Variants in IRX4 observed in about 807,000 individuals in gnomAD.
The protein encoded by IRX4 is iroquois-class homeodomain protein IRX-4.
A neutral mutation model predicts 32.0 loss-of-function variants in IRX4; 22 were observed. The ratio of observed to expected loss-of-function variants is 0.69; its 90% CI spans 0.49 to 0.98. The LOEUF (loss-of-function observed/expected upper bound fraction) is 0.98. Among genes scored for constraint, IRX4 ranks in the 50% least tolerant of loss-of-function variants. The pLI, the probability that IRX4 is intolerant of heterozygous loss-of-function variation, is 0.00. For missense variants in IRX4, 840 were observed against 744.2 expected, an observed-to-expected ratio of 1.13 and a Z score of -1.50; for synonymous variants, 379 against 351.7, an observed-to-expected ratio of 1.08 and a Z score of -0.87.
intron 3 of IRX4, chr5:1,880,126 C>A: frequency 6.5e-7 from 1 of 1,535,616 alleles, no homozygotes; most frequent in Non-Finnish European, 8.7e-7. Context: ...ATGGGGATGA[C>A]CGCCTAGCCG....
chr5:1,886,101 A>G (rs1735621191), upstream of IRX4, among the ~76,000 whole-genome samples: 1 of 152,244 alleles, frequency 6.6e-6, no homozygotes, highest in South Asian at 2.1e-4. Flanking sequence ...CCTAACGCGA[A>G]GCGCAGGCGG....
In IRX4 at chr5:1,878,452, C is replaced by A; in HGVS notation, c.1077G>T (p.Ser359=). 1.4e-6 allele frequency: 2 copies of A among 1,458,550 alleles called. No homozygotes were observed. The highest frequency in any genetic ancestry group is 1.8e-6 in the Non-Finnish European group (2 of 1,110,758). 90.4% of individuals were successfully genotyped at this position (1,458,550 alleles called of 1,614,324 possible). A position where few individuals can be genotyped will look rare whatever the true frequency, so the allele number is the denominator to read the frequency against. ...AKLGFVPAGA[S]AGLEAKPRIW... ...TGCGCGGCTTAGCCTCCAGGCCTGC[C>A]GACGCCCCCGCCGGCACAAACCCCA... is the stretch of plus-strand genomic sequence containing the variant. The change falls in exon 5 of 5, where the codon TCG becomes TCT. Residue 359 remains serine, a synonymous_variant. Transcript: ENST00000231357.
At chr5:1,884,617 AAT>A (rs1382185515), upstream of IRX4, 5 of 152,274 alleles carry the variant, frequency 3.3e-5, no homozygotes, top group African/African-American at 9.6e-5. Context: ...AGCCGCGAGA[AAT>A]ATATAAAGAA....
In IRX4 at chr5:1,878,812, G is replaced by A. The variant is rs779858001; in HGVS notation, c.737-20C>T. On this transcript the variant is annotated intron_variant, in intron 4 of 4. Transcript: ENST00000231357. Reference sequence around the variant, plus strand: ...CGGGCTCTGCGGGAGAGAATGCGTGGCCAGTGGAGGGAGAGGGTTGGTAGG... The same window carrying A: ...CGGGCTCTGCGGGAGAGAATGCGTGACCAGTGGAGGGAGAGGGTTGGTAGG... 2 of 1,611,264 alleles carry A rather than the reference G, an allele frequency of 1.2e-6. No individual in the cohort carries two copies. The highest frequency in any genetic ancestry group is 1.1e-5 in the South Asian group (1 of 91,030).
chr5:1,885,437 T>C (rs1177288606), upstream of IRX4, among the ~76,000 whole-genome samples: 1 of 151,992 alleles, frequency 6.6e-6, no homozygotes, highest in East Asian at 1.9e-4. Context: ...CGACCCTTTC[T>C]CCGTGACCCA....
rs754606404 is a variant in IRX4, at chr5:1,878,316, C to A, written c.1213G>T (p.Ala405Ser). 2 of 1,564,702 alleles carry A rather than the reference C, an allele frequency of 1.3e-6. No individual in the cohort carries two copies. Among genetic ancestry groups the A allele is most frequent in the Non-Finnish European group, 1.7e-6 (2 of 1,155,848 alleles). Residue 405 changes from alanine (A) to serine (S), a missense_variant, in exon 5 of 5, where the codon GCT (alanine) becomes TCT (serine). Physicochemically the swap from Ala to Ser is moderately conservative, Grantham distance 99. Transcript: ENST00000231357. The stretch of plus-strand genomic sequence containing the variant: ...GACGTGGCGGGCGCGGAGGACACAG[C>A]CGCAGGGGCCGCGGGACCTTGGCGC... ...LKRQGPAAPA[A>S]VSSAPATSPS...
rs928648819 is a variant in IRX4 at position 1,880,276 on chromosome 5, T to A, written c.408-444A>T. 2.4e-5 allele frequency: 17 copies of A among 711,550 alleles called. No individual in the cohort carries two copies. In the South Asian group the frequency reaches 3.3e-4, roughly 14 times the overall value. 44.1% of individuals were successfully genotyped at this position (711,550 alleles called of 1,614,324 possible). A position where few individuals can be genotyped will look rare whatever the true frequency, so the allele number is the denominator to read the frequency against. On this transcript the variant is annotated intron_variant, in intron 3 of 4. Transcript: ENST00000231357. ...AGTGTACCGTCTTTGGATAAATTTG[T>A]AGTGGTTGCATTGAGGAAAGTGGGG...
At position 1,881,999 on chromosome 5, in the gene IRX4, C is replaced by T. The variant is rs1735463233; in HGVS notation, c.106G>A (p.Asp36Asn). 4 of 1,548,300 alleles carry T rather than the reference C, an allele frequency of 2.6e-6. No individual in the cohort carries two copies. The highest frequency in any genetic ancestry group is 3.5e-6 in the Non-Finnish European group (4 of 1,146,658). The change falls in exon 2 of 5, where the codon GAC becomes AAC. Residue 36 changes from aspartate (D) to asparagine (N), a missense_variant. Physicochemically the swap from Asp to Asn is conservative, Grantham distance 23. Around this residue, in one of 3 missense-constraint regions of IRX4, gnomAD observed 241 missense variants for 220.8 expected, o/e 1.09. Transcript: ENST00000231357. ...TGGGCCGAGGCGGCGGGCCCGGAGT[C>T]CGCCAGCGTGCGGCCTCCGGACTCG... ...CCESGGRTLA[D>N]SGPAASAQAP...
Position 1,878,069 on chromosome 5 carries a change from C to T in IRX4, c.1460G>A (p.Arg487His). ...GANVLTAPLA[R>H]AFPPAVPQDA... Reference sequence around the variant, plus strand: ...CTGGGGCACGGCAGGCGGAAAGGCGCGGGCCAGGGGTGCAGTCAGCACGTT... The same window carrying T: ...CTGGGGCACGGCAGGCGGAAAGGCGTGGGCCAGGGGTGCAGTCAGCACGTT... Residue 487 changes from arginine (R) to histidine (H), a missense_variant, in exon 5 of 5, where the codon CGC (arginine) becomes CAC (histidine). By Grantham distance (29) the Arg-to-His change is conservative. Around this residue, in one of 3 missense-constraint regions of IRX4, gnomAD observed 585 missense variants for 488.0 expected, o/e 1.20. Coordinates refer to ENST00000231357, the MANE Select transcript of IRX4 (RefSeq NM_016358.3). 1.3e-6 allele frequency: 2 copies of T among 1,514,788 alleles called. No homozygotes were observed. Among genetic ancestry groups the T allele is most frequent in the South Asian group, 2.4e-5 (2 of 81,634 alleles). 93.8% of individuals were successfully genotyped at this position (1,514,788 alleles called of 1,614,324 possible).
At position 1,881,837 on chromosome 5, in the gene IRX4, C is replaced by G. The variant is rs1440752051; in HGVS notation, c.268G>C (p.Gly90Arg). The G allele has an allele frequency of 6.3e-7, 1 of 1,575,728 alleles. No individual in the cohort carries two copies. The highest frequency in any genetic ancestry group is 8.6e-7 in the Non-Finnish European group (1 of 1,161,056). Residue 90 changes from glycine to arginine, a missense_variant, in exon 2 of 5, where the codon GGC (glycine) becomes CGC (arginine). Coordinates refer to ENST00000231357, the MANE Select transcript of IRX4 (RefSeq NM_016358.3). The stretch of plus-strand genomic sequence containing the variant: ...GAGTAGAAGGCGGACGCCTCCGAGC[C>G]GTAGGTCACGTAGTTGCCATAGCCC... ...SQGYGNYVTY[G>R]SEASAFYSLN...
upstream of IRX4, among the ~76,000 whole-genome samples, chr5:1,885,656 T>C (rs938199685): frequency 1.4e-5 from 2 of 147,862 alleles, no homozygotes; most frequent in Non-Finnish European, 3.0e-5. Flanking sequence ...ATCCAGCCTG[T>C]GGATTGGCGA....
At position 1,882,870 on chromosome 5, in the gene IRX4, C is replaced by T; in HGVS notation, c.-223G>A. On this transcript the variant is annotated 5_prime_UTR_variant, in exon 1 of 5. Coordinates refer to ENST00000231357, the MANE Select transcript of IRX4 (RefSeq NM_016358.3). The stretch of plus-strand genomic sequence containing the variant: ...CCTTTAACTTCGCATTCCGGAGGCT[C>T]GAGGGGGCTCTGGGACCGAGCGGCC... The T allele has an allele frequency of 2.7e-6, 1 of 368,506 alleles. No homozygotes were observed. Among genetic ancestry groups the T allele is most frequent in the Non-Finnish European group, 4.8e-6 (1 of 207,594 alleles). The allele number at this position is 368,506 out of a possible 1,614,324, so 22.8% of individuals were successfully genotyped here.
At chr5:1,880,252 G>A in intron 3 of IRX4, 1 of 814,630 alleles carries the variant, frequency 1.2e-6, no homozygotes, top group Non-Finnish European at 1.9e-6. Context: ...AGGGGCCTAA[G>A]TGTACCGTCT....
chr5:1,878,321 G>C lies in IRX4; in HGVS notation c.1208C>G (p.Pro403Arg). Residue 403 changes from proline to arginine, a missense_variant, in exon 5 of 5, where the codon CCT becomes CGT. Physicochemically the swap from Pro to Arg is moderately radical, Grantham distance 103. Transcript: ENST00000231357. Reference sequence around the variant, plus strand: ...GGCGGGCGCGGAGGACACAGCCGCAGGGGCCGCGGGACCTTGGCGCTTGAG... The same window carrying C: ...GGCGGGCGCGGAGGACACAGCCGCACGGGCCGCGGGACCTTGGCGCTTGAG... ...CMLKRQGPAA[P>R]AAVSSAPATS... is the part of the protein sequence containing the mutation. The C allele has an allele frequency of 6.4e-7, 1 of 1,562,084 alleles. No individual in the cohort carries two copies. The highest frequency in any genetic ancestry group is 8.7e-7 in the Non-Finnish European group (1 of 1,154,570).
At position 1,879,550 on chromosome 5, in the gene IRX4, G is replaced by T; in HGVS notation, c.690C>A (p.Gly230=). The T allele has an allele frequency of 1.2e-6, 2 of 1,613,090 alleles. No individual in the cohort carries two copies. Among genetic ancestry groups the T allele is most frequent in the Non-Finnish European group, 1.7e-6 (2 of 1,179,928 alleles). The stretch of plus-strand genomic sequence containing the variant: ...GGGGCTCCTCCCGCGCCTCCTCCTC[G>T]CCCCCCTCCTCCTCCTCGCCCTCCG... ...PYAEGEEEEG[G]EEEAREEPLK... is the part of the protein sequence containing the mutation. Residue 230 remains glycine (G), a synonymous_variant, in exon 4 of 5, where the codon GGC becomes GGA. Coordinates refer to ENST00000231357, the MANE Select transcript of IRX4 (RefSeq NM_016358.3).
upstream of IRX4, chr5:1,884,635 G>C (rs1735570996): frequency 6.6e-6 from 1 of 152,244 alleles, no homozygotes. Flanking sequence ...AAGAACACGA[G>C]TCAAATGACA....
rs1259529625 is a variant in IRX4, at chr5:1,879,557, T to TC, written c.682dup (p.Glu228GlyfsTer31). The TC allele has an allele frequency of 1.3e-6, 2 of 1,591,764 alleles. No individual in the cohort carries two copies. Among genetic ancestry groups the TC allele is most frequent in the African/African-American group, 2.7e-5 (2 of 74,494 alleles). ...CTCCCGCGCCTCCTCCTCGCCCCCC[T>TC]CCTCCTCCTCGCCCTCCGCGTAGGG... On this transcript the variant is annotated frameshift_variant, in exon 4 of 5. Coordinates refer to ENST00000231357, the MANE Select transcript of IRX4 (RefSeq NM_016358.3). LOFTEE classifies it high-confidence loss of function.
At chr5:1,879,859 A>C in intron 3 of IRX4, 27 bp from the exon 4 acceptor site, 1 of 1,611,810 alleles carries the variant, frequency 6.2e-7, no homozygotes, top group South Asian at 1.1e-5. Flanking sequence ...CAATGGGCTC[A>C]GGCTGGGCCC....
In IRX4 at chr5:1,882,783, C is replaced by T. The variant is rs1421498829; in HGVS notation, c.-136G>A. On this transcript the variant is annotated 5_prime_UTR_variant, in exon 1 of 5. Coordinates refer to ENST00000231357, the MANE Select transcript of IRX4 (RefSeq NM_016358.3). ...GAAGCAGGAGAGCCGGTTAGTCCAT[C>T]CCCGCGCTCCGCAAACTTTTCTAAC... 10 of 492,290 alleles carry T rather than the reference C, an allele frequency of 2.0e-5. No homozygotes were observed. Among genetic ancestry groups the T allele is most frequent in the African/African-American group, 6.1e-5 (3 of 49,460 alleles). The allele number at this position is 492,290 out of a possible 1,614,324, so 30.5% of individuals were successfully genotyped here.
Sources: allele counts gnomAD v4.1 joint callset (sites outside exome capture counted in the v4.1 genomes callset), GRCh38; gene constraint gnomAD v4.1.1; regional missense constraint gnomAD v4.1.1; transcripts MANE v1.5; gene names NCBI Gene and HGNC (gene_info 2026-07-23, HGNC 2026-07-21).